The following DBF4B variants were observed in gnomAD, a reference collection of about 807,000 sequenced individuals.
DBF4B encodes the protein DBF4B-CDC7 kinase regulatory subunit.
In DBF4B, 49 loss-of-function variants were observed where a neutral mutation model predicts 53.4. That is an observed-to-expected ratio of 0.92 (90% CI 0.73 to 1.16). The LOEUF (loss-of-function observed/expected upper bound fraction) is 1.16. Ranked by LOEUF, DBF4B falls within the 50% of genes most tolerant of loss-of-function variation. The pLI, the probability that DBF4B is intolerant of heterozygous loss-of-function variation, is 0.00. For missense variants in DBF4B, 692 were observed against 775.0 expected (o/e 0.89, Z 1.27); for synonymous variants, 257 against 288.7 (o/e 0.89, Z 1.11).
At chr17:44,739,961 G>A (rs1219090092) in intron 9 of DBF4B, among the ~76,000 whole-genome samples, 2 of 152,108 alleles carry the variant, frequency 1.3e-5, no homozygotes, top group Non-Finnish European at 2.9e-5. Context: ...GACGGGGTTT[G>A]GCCATGTTGG....
At chr17:44,714,305 T>C (rs939589304) in intron 2 of DBF4B, among the ~76,000 whole-genome samples, 1 of 152,132 alleles carries the variant, frequency 6.6e-6, no homozygotes, top group Non-Finnish European at 1.5e-5. Flanking sequence ...AAACTACCTG[T>C]ACCCCAGAAG....
chr17:44,750,319 T>G, intron 13 of DBF4B: 8 of 1,216,744 alleles, frequency 6.6e-6, no homozygotes, highest in South Asian at 3.1e-5. Context: ...ATTTAAAGAG[T>G]TGTCTCTTTA....
rs147926459 is a variant in DBF4B at position 44,746,729 on chromosome 17, G to C, written c.831-354G>C. 3.0e-3 allele frequency among the ~76,000 whole-genome samples: 448 copies of C among 151,634 alleles called. 2 individuals carry two copies. Among genetic ancestry groups the C allele is most frequent in the African/African-American group, 0.011 (434 of 41,304 alleles). ...AGCTACTCTGGAGGCTAAGGCAGGAGAATGGCTTGAGCCCAGGAGGTGAAG... is the reference window on the plus strand; with the variant it reads ...AGCTACTCTGGAGGCTAAGGCAGGACAATGGCTTGAGCCCAGGAGGTGAAG... On this transcript the variant is annotated intron_variant, in intron 10 of 13. Coordinates refer to ENST00000315005, the MANE Select transcript of DBF4B (RefSeq NM_145663.3).
intron 2 of DBF4B, chr17:44,719,788 C>A: frequency 4.6e-6 from 1 of 218,122 alleles, no homozygotes. Flanking sequence ...AGGATAAATT[C>A]CATTCGTTAG....
Position 44,709,357 on chromosome 17 carries a change from C to A in DBF4B, c.73C>A (p.Pro25Thr), listed in dbSNP as rs761823785. 3.1e-6 allele frequency: 5 copies of A among 1,613,986 alleles called. No homozygotes were observed. Among genetic ancestry groups the A allele is most frequent in the Non-Finnish European group, 4.2e-6 (5 of 1,180,022 alleles). Reference sequence around the variant, plus strand: ...CATGGCTGAGAGTAGGCTCCGGGCCCCGGACCTAGGTGGGTAACAGGACAG... The same window carrying A: ...CATGGCTGAGAGTAGGCTCCGGGCCACGGACCTAGGTGGGTAACAGGACAG... The part of the protein sequence containing the change: ...SSMAESRLRA[P>T]DLGVSRCLGK... The change falls in exon 2 of 14, where the codon CCG (proline) becomes ACG (threonine). Residue 25 changes from proline to threonine, a missense_variant. Physicochemically the swap from Pro to Thr is conservative, Grantham distance 38 (BLOSUM62 -1). This residue lies in a region of DBF4B where 66 missense variants were observed against 51.3 expected (regional missense o/e 1.29). Coordinates refer to ENST00000315005, the MANE Select transcript of DBF4B (RefSeq NM_145663.3).
chr17:44,724,538 C>T (rs1219452930), intron 3 of DBF4B, among the ~76,000 whole-genome samples: 7 of 152,178 alleles, frequency 4.6e-5, no homozygotes, highest in Non-Finnish European at 7.3e-5. Context: ...TCACCACGCC[C>T]GGCTAATTTT....
chr17:44,727,864 A>ATTTTTTTTTTTTTTTTTTTT (rs756222247), intron 3 of DBF4B, among the ~76,000 whole-genome samples: 1 of 106,742 alleles, frequency 9.4e-6, no homozygotes, highest in Non-Finnish European at 1.9e-5. Flanking sequence ...TGCCCGGGTA[A>ATTTTTTTTTTTTTTTTTTTT]TTTTTTTTTT....
At chr17:44,718,695 G>A (rs760255655) in intron 2 of DBF4B, among the ~76,000 whole-genome samples, 3 of 152,004 alleles carry the variant, frequency 2.0e-5, no homozygotes, top group African/African-American at 7.2e-5. Context: ...GATTAAAAGT[G>A]GTGTCTGCTA....
rs1972654276 is a variant in DBF4B at position 44,709,348 on chromosome 17, C to T, written c.64C>T (p.Leu22Phe). 2 of 1,614,014 alleles carry T rather than the reference C, an allele frequency of 1.2e-6. No homozygotes were observed. Among genetic ancestry groups the T allele is most frequent in the Non-Finnish European group, 1.7e-6 (2 of 1,180,026 alleles). ...ELESSMAESRLRAPDLGVSRC... is the reference protein window; with the variant it reads ...ELESSMAESRFRAPDLGVSRC... ...GGAGAGTTCCATGGCTGAGAGTAGG[C>T]TCCGGGCCCCGGACCTAGGTGGGTA... Residue 22 changes from leucine (L) to phenylalanine (F), a missense_variant, in exon 2 of 14, where the codon CTC (leucine) becomes TTC (phenylalanine). This residue lies in a region of DBF4B where 66 missense variants were observed against 51.3 expected (regional missense o/e 1.29). Coordinates refer to ENST00000315005, the MANE Select transcript of DBF4B (RefSeq NM_145663.3).
At chr17:44,715,682 T>C (rs1973258390) in intron 2 of DBF4B, among the ~76,000 whole-genome samples, 1 of 151,944 alleles carries the variant, frequency 6.6e-6, no homozygotes, top group South Asian at 2.1e-4. Flanking sequence ...ATGGATATAA[T>C]GTATTCCCTT....
chr17:44,713,734 C>G (rs2144764317), intron 2 of DBF4B, among the ~76,000 whole-genome samples: 1 of 152,192 alleles, frequency 6.6e-6, no homozygotes, highest in African/African-American at 2.4e-5. Context: ...GTATGGATCA[C>G]TAATTCAGGT....
chr17:44,716,610 G>T (rs1973358968), intron 2 of DBF4B, among the ~76,000 whole-genome samples: 1 of 152,108 alleles, frequency 6.6e-6, no homozygotes, highest in South Asian at 2.1e-4. Flanking sequence ...CCACCCGCTA[G>T]ATGCCAGGAG....
intron 3 of DBF4B, among the ~76,000 whole-genome samples, chr17:44,727,104 A>G (rs1160527365): frequency 5.3e-5 from 7 of 132,708 alleles, no homozygotes; most frequent in African/African-American, 5.7e-5. Context: ...ATCTCAAAAA[A>G]AAAAAAAAAA....
At chr17:44,744,081 A>ACCC (rs71361595) in intron 10 of DBF4B, among the ~76,000 whole-genome samples, 1 of 8,702 alleles carries the variant, frequency 1.1e-4, no homozygotes, top group African/African-American at 5.3e-4. Flanking sequence ...TAATGAGACC[A>ACCC]CCCCCCCCCC....
intron 3 of DBF4B, among the ~76,000 whole-genome samples, chr17:44,723,876 TGAG>T (rs1438102949): frequency 6.6e-6 from 1 of 152,076 alleles, no homozygotes; most frequent in East Asian, 1.9e-4. Flanking sequence ...TTCGGGAGGC[TGAG>T]GAGGACAGAT....
At chr17:44,714,898 A>G (rs1428477073) in intron 2 of DBF4B, among the ~76,000 whole-genome samples, 1 of 151,976 alleles carries the variant, frequency 6.6e-6, no homozygotes, top group Non-Finnish European at 1.5e-5. Context: ...GAATAGGTTC[A>G]GAGAGGCTCC....
chr17:44,744,957 A>G (rs1190610781), intron 10 of DBF4B, among the ~76,000 whole-genome samples: 2 of 152,136 alleles, frequency 1.3e-5, no homozygotes, highest in African/African-American at 4.8e-5. Context: ...CTCATATTAG[A>G]AAAATGAGCT....
At chr17:44,744,302 C>G (rs1976394797) in intron 10 of DBF4B, among the ~76,000 whole-genome samples, 1 of 151,740 alleles carries the variant, frequency 6.6e-6, no homozygotes, top group African/African-American at 2.4e-5. Context: ...GTCTAAGCTA[C>G]TCAGGAGGCT....
chr17:44,734,521 G>C (rs1002508062), intron 7 of DBF4B, among the ~76,000 whole-genome samples: 2 of 152,224 alleles, frequency 1.3e-5, no homozygotes, highest in Admixed American at 1.3e-4. Context: ...ACAGCCTCTA[G>C]ACTGGGAACG....
Sources: gnomAD v4.1 joint callset for allele counts (sites outside exome capture counted in the v4.1 genomes callset) on GRCh38, gnomAD v4.1.1 for gene constraint, gnomAD v4.1.1 regional missense constraint, MANE v1.5 for transcripts, NCBI Gene and HGNC (gene_info 2026-07-23, HGNC 2026-07-21) for gene names.